Variants in VTCN1 observed in about 807,000 individuals in gnomAD.
The protein encoded by VTCN1 is V-set domain containing T cell activation inhibitor 1.
VTCN1 carries 26 observed loss-of-function variants against 26.5 expected under a neutral mutation model. The observed-to-expected ratio is 0.98, with a 90% confidence interval of 0.72 to 1.36. VTCN1 has a LOEUF of 1.36. Ranked by LOEUF, VTCN1 falls within the 40% of genes most tolerant of loss-of-function variation. The probability of loss-of-function intolerance (pLI) is 0.00; values close to 1 mark genes in which losing one functional copy is unlikely to be tolerated. For synonymous variants in VTCN1, 116 were observed against 130.7 expected (o/e 0.89, Z 0.77); for missense variants, 298 against 337.7 (o/e 0.88, Z 0.92).
At chr1:117,209,199 C>T (rs1359759519) in intron 1 of VTCN1, among the ~76,000 whole-genome samples, 1 of 152,198 alleles carries the variant, frequency 6.6e-6, no homozygotes, top group Admixed American at 6.5e-5. Flanking sequence ...CAGTGGGTTT[C>T]TGAAGGGTAG....
intron 1 of VTCN1, among the ~76,000 whole-genome samples, chr1:117,176,612 C>T (rs1020491003): frequency 2.6e-5 from 4 of 152,168 alleles, no homozygotes; most frequent in African/African-American, 7.2e-5. Flanking sequence ...TAGCTCCACT[C>T]GTGTGATTGA....
At chr1:117,177,533 T>A (rs1647419432) in intron 1 of VTCN1, among the ~76,000 whole-genome samples, 4 of 152,136 alleles carry the variant, frequency 2.6e-5, no homozygotes, top group Admixed American at 2.6e-4. Flanking sequence ...AGACAGGACA[T>A]CCTTTCTGGG....
chr1:117,162,590 T>C (rs1023884995), intron 2 of VTCN1, among the ~76,000 whole-genome samples: 1 of 152,200 alleles, frequency 6.6e-6, no homozygotes, highest in African/African-American at 2.4e-5. Flanking sequence ...GCACAGATTT[T>C]AAGCATTTCA....
chr1:117,205,274 A>C (rs923304914), intron 1 of VTCN1, among the ~76,000 whole-genome samples: 6 of 151,730 alleles, frequency 4.0e-5, no homozygotes, highest in African/African-American at 1.5e-4. Flanking sequence ...CTCCCACCTC[A>C]GTCCCGAGTA....
chr1:117,201,145 C>G (rs891655449), intron 1 of VTCN1, among the ~76,000 whole-genome samples: 3 of 152,110 alleles, frequency 2.0e-5, no homozygotes. Context: ...AAATGCACAA[C>G]TACAATATAG....
intron 3 of VTCN1, 98 bp downstream of exon 3, chr1:117,156,476 G>A (rs1158736845): frequency 3.9e-6 from 5 of 1,279,222 alleles, no homozygotes; most frequent in Non-Finnish European, 5.3e-6. Flanking sequence ...GAGCATCATT[G>A]TCTGATATTG....
At chr1:117,196,775 T>C (rs1001026527) in intron 1 of VTCN1, among the ~76,000 whole-genome samples, 3 of 152,196 alleles carry the variant, frequency 2.0e-5, no homozygotes, top group Non-Finnish European at 4.4e-5. Context: ...AAATTATAGA[T>C]AACTTGTTTT....
At position 117,146,773 on chromosome 1, in the gene VTCN1, G is replaced by A. The variant is rs1335213012; in HGVS notation, c.*45+840C>T. The stretch of plus-strand genomic sequence containing the variant: ...CCAGAGAGTCACTTTAGGCTCTGGA[G>A]CAAAGGAAGGCTATGATGAAATCGT... On this transcript the variant is annotated intron_variant, in intron 5 of 5. Coordinates refer to ENST00000369458, the MANE Select transcript of VTCN1 (RefSeq NM_024626.4). The surrounding 1 kb of genome is among the most constrained non-coding windows in gnomAD (Gnocchi z 4.2). Among the ~76,000 whole-genome samples, 1 of 152,164 alleles carries A rather than the reference G, an allele frequency of 6.6e-6. No homozygotes were observed. Among genetic ancestry groups the A allele is most frequent in the Non-Finnish European group, 1.5e-5 (1 of 68,022 alleles).
Position 117,183,076 on chromosome 1 carries a change from A to G in VTCN1, c.33-12905T>C, listed in dbSNP as rs1363174365. 2.6e-5 allele frequency among the ~76,000 whole-genome samples: 4 copies of G among 152,236 alleles called. No individual in the cohort carries two copies. Among genetic ancestry groups the G allele is most frequent in the African/African-American group, 9.6e-5 (4 of 41,462 alleles). ...TTTAAGCATAGAAAGCGAAGAAAGC[A>G]TACTAAACCTGAAAGTTTGAATAAA... On this transcript the variant is annotated intron_variant, in intron 1 of 5. Coordinates refer to ENST00000369458, the MANE Select transcript of VTCN1 (RefSeq NM_024626.4). This position sits in a 1 kb window ranked among gnomAD's most constrained non-coding sequence, Gnocchi z 4.1.
chr1:117,158,916 T>C (rs1237073347), intron 2 of VTCN1, among the ~76,000 whole-genome samples: 1 of 152,156 alleles, frequency 6.6e-6, no homozygotes, highest in Non-Finnish European at 1.5e-5. Flanking sequence ...ACATCATCAG[T>C]CTCTTTGTTA....
Position 117,166,588 on chromosome 1 carries a change from T to C in VTCN1, c.97+3519A>G, listed in dbSNP as rs537711321. On this transcript the variant is annotated intron_variant, in intron 2 of 5. Coordinates refer to ENST00000369458, the MANE Select transcript of VTCN1 (RefSeq NM_024626.4). The stretch of plus-strand genomic sequence containing the variant: ...GCTACACATGGTGAAACCCTGTCCC[T>C]ACTAAAAATACAAAAAAATTAGCCA... 4.8e-5 allele frequency among the ~76,000 whole-genome samples: 7 copies of C among 146,318 alleles called. 1 individual carries two copies. Among genetic ancestry groups the C allele is most frequent in the African/African-American group, 1.8e-4 (7 of 39,128 alleles).
chr1:117,159,749 T>C lies in VTCN1; in HGVS notation c.98-2828A>G, dbSNP rs1030497986. 6.6e-6 allele frequency among the ~76,000 whole-genome samples: 1 copy of C among 152,256 alleles called. No individual in the cohort carries two copies. The highest frequency in any genetic ancestry group is 1.5e-5 in the Non-Finnish European group (1 of 68,044). ...GAATTCTAAAGTGCTGTAACTTTTA[T>C]TTCTGTTTGAATGACATAGAAACTA... On this transcript the variant is annotated intron_variant, in intron 2 of 5. Transcript: ENST00000369458. The surrounding 1 kb of genome is among the most constrained non-coding windows in gnomAD (Gnocchi z 4.7).
intron 1 of VTCN1, among the ~76,000 whole-genome samples, chr1:117,178,588 G>GTCTTT (rs1553211056): frequency 1.1e-5 from 1 of 88,274 alleles, no homozygotes; most frequent in African/African-American, 4.9e-5. Context: ...TCTTTCTTTC[G>GTCTTT]TTTTTTTTTT....
chr1:117,210,389 C>T (rs933594660), intron 1 of VTCN1, among the ~76,000 whole-genome samples: 2 of 152,182 alleles, frequency 1.3e-5, no homozygotes, highest in African/African-American at 2.4e-5. Flanking sequence ...TCCTCCGTCC[C>T]CCTGGGGGCT....
At chr1:117,178,642 G>T (rs1647511809) in intron 1 of VTCN1, among the ~76,000 whole-genome samples, 1 of 124,872 alleles carries the variant, frequency 8.0e-6, no homozygotes, top group Non-Finnish European at 1.6e-5. Context: ...TCCCCTGACT[G>T]CAGTGCAGTT....
At chr1:117,186,662 C>T (rs566560119) in intron 1 of VTCN1, among the ~76,000 whole-genome samples, 18 of 152,320 alleles carry the variant, frequency 1.2e-4, no homozygotes, top group Middle Eastern at 3.4e-3. Context: ...TATTTTCCCT[C>T]TCCACTTCAA....
intron 1 of VTCN1, among the ~76,000 whole-genome samples, chr1:117,182,186 A>G (rs1647705574): frequency 6.6e-6 from 1 of 152,134 alleles, no homozygotes; most frequent in Non-Finnish European, 1.5e-5. Flanking sequence ...CTCTATGTAC[A>G]ATGTCATATT....
chr1:117,156,391 C>T (rs2101466005), intron 3 of VTCN1, among the ~76,000 whole-genome samples, 183 bp downstream of exon 3: 2 of 152,296 alleles, frequency 1.3e-5, no homozygotes, highest in East Asian at 1.9e-4. Flanking sequence ...TAAGGCCTCT[C>T]TTATAGTTGG....
intron 1 of VTCN1, among the ~76,000 whole-genome samples, chr1:117,178,250 C>CTTTTT (rs71096901): frequency 4.9e-5 from 7 of 142,206 alleles, no homozygotes; most frequent in African/African-American, 1.8e-4. Context: ...TTCTTTCTTT[C>CTTTTT]TTTTTTTTCT....
Sources: allele counts gnomAD v4.1 joint callset (sites outside exome capture counted in the v4.1 genomes callset), GRCh38; gene constraint gnomAD v4.1.1; non-coding constraint Gnocchi (gnomAD v3.1); transcripts MANE v1.5; gene names NCBI Gene and HGNC (gene_info 2026-07-23, HGNC 2026-07-21).